Variants in LRRC4C observed in about 807,000 individuals in gnomAD.
LRRC4C encodes leucine-rich repeat-containing protein 4C.
LRRC4C carries 5 observed loss-of-function variants against 33.6 expected under a neutral mutation model. The observed-to-expected ratio is 0.15, with a 90% confidence interval of 0.08 to 0.31. The LOEUF is 0.31. Among genes scored for constraint, LRRC4C ranks in the 10% least tolerant of loss-of-function variants. The pLI, the probability that LRRC4C is intolerant of heterozygous loss-of-function variation, is 1.00. For synonymous variants in LRRC4C, 329 were observed against 302.0 expected (o/e 1.09, Z -0.93); for missense variants, 560 against 796.7 (o/e 0.70, Z 3.58).
chr11:41,126,825 C>G (rs1189945904), intron 1 of LRRC4C, among the ~76,000 whole-genome samples: 2 of 152,026 alleles, frequency 1.3e-5, no homozygotes, highest in African/African-American at 4.8e-5. Context: ...GTGAGCAACG[C>G]CGCTGTAGAA....
At chr11:40,208,414 A>G (rs1178050147) in intron 5 of LRRC4C, among the ~76,000 whole-genome samples, 2 of 152,188 alleles carry the variant, frequency 1.3e-5, no homozygotes, top group African/African-American at 2.4e-5. Context: ...AGGCAATAAT[A>G]GGACTAGAAC....
intron 2 of LRRC4C, among the ~76,000 whole-genome samples, chr11:40,904,774 C>A (rs1455674324): frequency 6.6e-6 from 1 of 152,088 alleles, no homozygotes; most frequent in Non-Finnish European, 1.5e-5. Context: ...TAGATCCTTC[C>A]CAAACTAAAG....
intron 1 of LRRC4C, among the ~76,000 whole-genome samples, chr11:41,004,634 A>G (rs79112264): frequency 6.0e-4 from 91 of 152,306 alleles, no homozygotes; most frequent in African/African-American, 2.1e-3. Context: ...ACCATGACCT[A>G]CATAGCACAG....
chr11:40,836,947 C>T (rs752450076), intron 2 of LRRC4C, among the ~76,000 whole-genome samples: 3 of 152,098 alleles, frequency 2.0e-5, no homozygotes, highest in Non-Finnish European at 4.4e-5. Context: ...ACAATCAGGG[C>T]TTTATGTTAT....
intron 5 of LRRC4C, among the ~76,000 whole-genome samples, chr11:40,213,228 A>C (rs1043196502): frequency 6.6e-6 from 1 of 152,148 alleles, no homozygotes; most frequent in East Asian, 1.9e-4. Context: ...CAATCTTACC[A>C]GTAGAAGATA....
rs538773852 is a variant in LRRC4C, at chr11:40,312,223, A to G, written c.-176+7405T>C. The stretch of plus-strand genomic sequence containing the variant: ...TACTTTCTGTCAGTTTCTTTGAATT[A>G]TTATTGTTACCTTAATCGATAACAG... On this transcript the variant is annotated intron_variant, in intron 4 of 6. Coordinates refer to ENST00000528697, the MANE Select transcript of LRRC4C (RefSeq NM_001258419.2). Among the ~76,000 whole-genome samples the G allele has an allele frequency of 1.6e-4, 24 of 152,302 alleles. 1 individual carries two copies. In the South Asian group the frequency reaches 4.8e-3, roughly 30 times the overall value.
chr11:41,352,518 C>T (rs1952018572), intron 1 of LRRC4C, among the ~76,000 whole-genome samples: 1 of 152,056 alleles, frequency 6.6e-6, no homozygotes, highest in Non-Finnish European at 1.5e-5. Context: ...CCAAATGGAC[C>T]TAACAGACAT....
At chr11:40,493,737 G>C (rs1342436605) in intron 3 of LRRC4C, among the ~76,000 whole-genome samples, 1 of 152,084 alleles carries the variant, frequency 6.6e-6, no homozygotes, top group Non-Finnish European at 1.5e-5. Flanking sequence ...TAAAAATTTG[G>C]AGCCTAATCC....
chr11:41,066,518 C>T (rs923585108), intron 1 of LRRC4C, among the ~76,000 whole-genome samples: 4 of 152,086 alleles, frequency 2.6e-5, no homozygotes, highest in African/African-American at 9.7e-5. Flanking sequence ...GGAGAACTTC[C>T]CCAACCTAGC....
chr11:40,405,307 A>T (rs1408751091), intron 3 of LRRC4C, among the ~76,000 whole-genome samples: 1 of 151,992 alleles, frequency 6.6e-6, no homozygotes, highest in East Asian at 1.9e-4. Context: ...CCAGCTAGAG[A>T]TATTCCCCAA....
At position 40,858,529 on chromosome 11, in the gene LRRC4C, T is replaced by C. The variant is rs1366082037; in HGVS notation, c.-407+75106A>G. ...GGCCAACATGGTGAAATCCCATCTC[T>C]ACTAAAAATACAAACATTAGCTGGG... On this transcript the variant is annotated intron_variant, in intron 2 of 6. Coordinates refer to ENST00000528697, the MANE Select transcript of LRRC4C (RefSeq NM_001258419.2). Among the ~76,000 whole-genome samples the C allele has an allele frequency of 2.0e-5, 3 of 151,856 alleles. No homozygotes were observed. In the South Asian group the frequency reaches 6.3e-4, roughly 32 times the overall value.
At chr11:40,654,962 A>G (rs1943025932) in intron 2 of LRRC4C, among the ~76,000 whole-genome samples, 1 of 152,120 alleles carries the variant, frequency 6.6e-6, no homozygotes, top group African/African-American at 2.4e-5. Context: ...GTTGTCACTC[A>G]TTCTCTCTCC....
chr11:40,643,739 T>C (rs1398005145), intron 3 of LRRC4C, among the ~76,000 whole-genome samples: 2 of 152,170 alleles, frequency 1.3e-5, no homozygotes, highest in Non-Finnish European at 2.9e-5. Flanking sequence ...CTGGAAGTCC[T>C]GTCCATGCCA....
chr11:40,598,710 G>A (rs1176223532), intron 3 of LRRC4C, among the ~76,000 whole-genome samples: 1 of 152,110 alleles, frequency 6.6e-6, no homozygotes, highest in Non-Finnish European at 1.5e-5. Context: ...TATTGTTTAG[G>A]TGGTTGTTAT....
In LRRC4C at chr11:41,322,900, A is replaced by T. The variant is rs561375823; in HGVS notation, c.-496+136531T>A. 1.0e-3 allele frequency among the ~76,000 whole-genome samples: 157 copies of T among 152,314 alleles called. 1 individual carries two copies. The highest frequency in any genetic ancestry group is 3.7e-3 in the African/African-American group (153 of 41,566). ...CAAACTTCCTCCTTGGATATGACAC[A>T]TATATACACACATGCACACACACAC... On this transcript the variant is annotated intron_variant, in intron 1 of 6. Coordinates refer to ENST00000528697, the MANE Select transcript of LRRC4C (RefSeq NM_001258419.2).
At position 41,448,122 on chromosome 11, in the gene LRRC4C, G is replaced by GTTTTTTTTTTTTTTTTTTTTTTTTTTTTT. The variant is rs71063918; in HGVS notation, c.-496+11308_-496+11309insAAAAAAAAAAAAAAAAAAAAAAAAAAAAA. Among the ~76,000 whole-genome samples the GTTTTTTTTTTTTTTTTTTTTTTTTTTTTT allele has an allele frequency of 1.4e-3, 64 of 46,906 alleles. 16 individuals are homozygous for GTTTTTTTTTTTTTTTTTTTTTTTTTTTTT. Among genetic ancestry groups the GTTTTTTTTTTTTTTTTTTTTTTTTTTTTT allele is most frequent in the African/African-American group, 1.7e-3 (22 of 12,916 alleles). The allele number at this position is 46,906 out of a possible 152,430, so 30.8% of individuals were successfully genotyped here. A position where few individuals can be genotyped will look rare whatever the true frequency, so the allele number is the denominator to read the frequency against. ...ACAAACGAGGCTGCTGCACACGTCT[G>GTTTTTTTTTTTTTTTTTTTTTTTTTTTTT]TTTTTTTTTTTTTTTTTTTTGGAGC... On this transcript the variant is annotated intron_variant, in intron 1 of 6. Coordinates refer to ENST00000528697, the MANE Select transcript of LRRC4C (RefSeq NM_001258419.2).
At chr11:40,494,230 G>A (rs2138546993) in intron 3 of LRRC4C, among the ~76,000 whole-genome samples, 1 of 152,176 alleles carries the variant, frequency 6.6e-6, no homozygotes, top group South Asian at 2.1e-4. Flanking sequence ...AAATTACTGG[G>A]ATTGAGCGTG....
intron 1 of LRRC4C, among the ~76,000 whole-genome samples, chr11:41,172,889 A>G (rs1945036353): frequency 6.6e-6 from 1 of 152,154 alleles, no homozygotes; most frequent in South Asian, 2.1e-4. Flanking sequence ...CAGAAATGGA[A>G]GGGGCCTTAG....
At chr11:41,251,719 A>G (rs1029840850) in intron 1 of LRRC4C, among the ~76,000 whole-genome samples, 1 of 152,202 alleles carries the variant, frequency 6.6e-6, no homozygotes, top group Admixed American at 6.5e-5. Flanking sequence ...TCTTCACTAC[A>G]GCTGAGTTTA....
Sources: allele counts gnomAD v4.1 joint callset (sites outside exome capture counted in the v4.1 genomes callset), GRCh38; gene constraint gnomAD v4.1.1; transcripts MANE v1.5; gene names NCBI Gene and HGNC (gene_info 2026-07-23, HGNC 2026-07-21).